ASTN2: variants seen among roughly 807,000 people sequenced by gnomAD.
The protein encoded by ASTN2 is astrotactin-2.
ASTN2 carries 54 observed loss-of-function variants against 139.8 expected under a neutral mutation model. That is an observed-to-expected ratio of 0.39 (90% CI 0.31 to 0.48). ASTN2 has a LOEUF of 0.48. ASTN2 is among the 20% of genes least tolerant of loss of function. ASTN2 has a pLI of 0.95. For synonymous variants in ASTN2, 756 were observed against 719.5 expected (o/e 1.05, Z -0.81); for missense variants, 1,565 against 1,725.1 (o/e 0.91, Z 1.64).
chr9:116,437,371 G>A (rs1847690490), intron 22 of ASTN2: 1 of 471,190 alleles, frequency 2.1e-6, no homozygotes, highest in South Asian at 1.5e-5. Flanking sequence ...GTGGGATGTT[G>A]GAGCAATCTC....
chr9:117,357,386 T>C (rs1829569157), intron 1 of ASTN2, among the ~76,000 whole-genome samples: 1 of 152,100 alleles, frequency 6.6e-6, no homozygotes, highest in Non-Finnish European at 1.5e-5. Context: ...GCATTATGAC[T>C]TTGAGATTAT....
At chr9:116,858,014 G>T (rs911169153) in intron 11 of ASTN2, among the ~76,000 whole-genome samples, 3 of 152,126 alleles carry the variant, frequency 2.0e-5, no homozygotes, top group African/African-American at 7.2e-5. Context: ...CAAATGGGGA[G>T]CCCAAGAAAA....
chr9:116,782,933 A>G (rs899161916), intron 13 of ASTN2, among the ~76,000 whole-genome samples: 2 of 152,156 alleles, frequency 1.3e-5, no homozygotes, highest in Non-Finnish European at 2.9e-5. Context: ...AATTTCACTC[A>G]CTAAGTATCT....
intron 1 of ASTN2, among the ~76,000 whole-genome samples, chr9:117,377,172 G>A (rs1024701092): frequency 2.2e-4 from 33 of 152,196 alleles, no homozygotes; most frequent in African/African-American, 7.2e-4. Context: ...GCCGAAAGCC[G>A]AGAGAGGCCA....
At chr9:117,199,818 G>C (rs1831642559) in intron 3 of ASTN2, among the ~76,000 whole-genome samples, 1 of 151,986 alleles carries the variant, frequency 6.6e-6, no homozygotes, top group Non-Finnish European at 1.5e-5. Context: ...GCAGTGGTTT[G>C]TAGTTCTCCT....
intron 19 of ASTN2, among the ~76,000 whole-genome samples, chr9:116,600,760 A>G (rs576318537): frequency 6.6e-6 from 1 of 152,206 alleles, no homozygotes; most frequent in African/African-American, 2.4e-5. Context: ...TTTAAATTCC[A>G]TACTCAGAAT....
chr9:116,793,032 G>T (rs1280501964), intron 13 of ASTN2, among the ~76,000 whole-genome samples: 2 of 151,924 alleles, frequency 1.3e-5, no homozygotes, highest in African/African-American at 4.8e-5. Context: ...ATCATTCATT[G>T]CCCAAACCTC....
chr9:117,207,799 A>T (rs1831985485), intron 3 of ASTN2, among the ~76,000 whole-genome samples: 1 of 152,202 alleles, frequency 6.6e-6, no homozygotes, highest in South Asian at 2.1e-4. Context: ...CCCTGTTCTG[A>T]GAAATAGCCC....
At chr9:116,477,603 G>A (rs934443293) in intron 20 of ASTN2, among the ~76,000 whole-genome samples, 7 of 149,000 alleles carry the variant, frequency 4.7e-5, no homozygotes, top group East Asian at 4.4e-4. Context: ...TGCACAGGAG[G>A]ATAAAAGAAG....
intron 1 of ASTN2, among the ~76,000 whole-genome samples, chr9:117,380,477 C>T (rs866705927): frequency 9.2e-5 from 14 of 151,610 alleles, no homozygotes; most frequent in Admixed American, 1.3e-4. Context: ...TGGTGTTGTG[C>T]GCCTGCAGTC....
chr9:117,380,207 A>G (rs901508946), intron 1 of ASTN2, among the ~76,000 whole-genome samples: 1 of 152,144 alleles, frequency 6.6e-6, no homozygotes, highest in African/African-American at 2.4e-5. Context: ...TTGAGCTTAG[A>G]GTTGAGTGTG....
At chr9:116,525,120 G>C (rs1360162164) in intron 19 of ASTN2, among the ~76,000 whole-genome samples, 2 of 152,188 alleles carry the variant, frequency 1.3e-5, no homozygotes, top group African/African-American at 4.8e-5. Context: ...GGTTGTCTCA[G>C]ACGGAGATGA....
chr9:116,645,431 G>C (rs1857539740), intron 17 of ASTN2, among the ~76,000 whole-genome samples: 1 of 152,102 alleles, frequency 6.6e-6, no homozygotes, highest in Non-Finnish European at 1.5e-5. Flanking sequence ...TTAGGCAGAA[G>C]GCATCATCTT....
At chr9:117,027,644 C>T (rs1168589972) in intron 6 of ASTN2, among the ~76,000 whole-genome samples, 2 of 152,202 alleles carry the variant, frequency 1.3e-5, no homozygotes, top group Non-Finnish European at 2.9e-5. Context: ...GCAGAATCCT[C>T]TTGCTCCTTG....
chr9:116,982,104 A>C (rs1437458407), intron 7 of ASTN2, among the ~76,000 whole-genome samples: 2 of 152,224 alleles, frequency 1.3e-5, no homozygotes, highest in African/African-American at 4.8e-5. Flanking sequence ...GCTCTTCCAA[A>C]CAGGACAATG....
chr9:116,698,133 C>T lies in ASTN2; in HGVS notation c.2806+27638G>A, dbSNP rs763955829. ...CTGCCGGGAGGCAGACCATCAGCCT[C>T]CTGGCCACTGTACACTCCCTGTCAA... On this transcript the variant is annotated intron_variant, in intron 16 of 22. Transcript: ENST00000313400. The surrounding 1 kb of genome is among the most constrained non-coding windows in gnomAD (Gnocchi z 4.4). 9.3e-6 allele frequency: 15 copies of T among 1,614,118 alleles called. No individual in the cohort carries two copies. Among genetic ancestry groups the T allele is most frequent in the Middle Eastern group, 1.7e-4 (1 of 6,060 alleles).
chr9:116,632,097 A>C (rs750699223), intron 17 of ASTN2, among the ~76,000 whole-genome samples: 15 of 147,294 alleles, frequency 1.0e-4, no homozygotes, highest in Non-Finnish European at 1.6e-4. Context: ...CTGGTGATAG[A>C]GTGAGACTGT....
At chr9:116,551,166 C>G (rs60343130) in intron 19 of ASTN2, 2 of 152,184 alleles carry the variant, frequency 1.3e-5, no homozygotes, top group East Asian at 1.9e-4. Context: ...CCCAGAAATT[C>G]TGGTTCAGTC....
intron 1 of ASTN2, among the ~76,000 whole-genome samples, chr9:117,343,224 C>G (rs1001057654): frequency 1.3e-5 from 2 of 152,174 alleles, no homozygotes; most frequent in Admixed American, 6.5e-5. Context: ...CAATCTCTAC[C>G]TTTCTGAATG....
Sources: allele counts gnomAD v4.1 joint callset (sites outside exome capture counted in the v4.1 genomes callset), GRCh38; gene constraint gnomAD v4.1.1; non-coding constraint Gnocchi (gnomAD v3.1); transcripts MANE v1.5; gene names NCBI Gene and HGNC (gene_info 2026-07-23, HGNC 2026-07-21).